AGAP1: variants seen among roughly 807,000 people sequenced by gnomAD.
AGAP1 encodes arf-GAP with GTPase, ANK repeat and PH domain-containing protein 1.
In AGAP1, 29 loss-of-function variants were observed where a neutral mutation model predicts 105.3. That is an observed-to-expected ratio of 0.28 (90% CI 0.21 to 0.38). The LOEUF (loss-of-function observed/expected upper bound fraction) is 0.38. AGAP1 is among the 10% of genes least tolerant of loss of function. AGAP1 has a pLI of 1.00. For missense variants in AGAP1, 998 were observed against 1,165.1 expected, an observed-to-expected ratio of 0.86 and a Z score of 2.09; for synonymous variants, 509 against 485.9, an observed-to-expected ratio of 1.05 and a Z score of -0.63.
At chr2:235,892,049 G>A (rs1454053559) in intron 10 of AGAP1, among the ~76,000 whole-genome samples, 1 of 152,030 alleles carries the variant, frequency 6.6e-6, no homozygotes, top group African/African-American at 2.4e-5. Flanking sequence ...AGCTACTTGG[G>A]AGGCTGAGGC....
intron 8 of AGAP1, 47 bp from the exon 9 acceptor site, chr2:235,807,192 T>C (rs1454084764): frequency 1.3e-6 from 2 of 1,574,986 alleles, no homozygotes; most frequent in African/African-American, 2.8e-5. Flanking sequence ...GCCCCGTCTG[T>C]GAACCACAGC....
chr2:235,625,834 A>G lies in AGAP1; in HGVS notation c.164-83345A>G, dbSNP rs1946619428. ...TGCCCCACACTATTGGGAGGTGTAG[A>G]TGTTGCTACTGCATCTGGAAAGCAT... On this transcript the variant is annotated intron_variant, in intron 1 of 17. Coordinates refer to ENST00000304032, the MANE Select transcript of AGAP1 (RefSeq NM_001037131.3). The surrounding 1 kb of genome is among the most constrained non-coding windows in gnomAD (Gnocchi z 4.0). Among the ~76,000 whole-genome samples, 1 of 152,224 alleles carries G rather than the reference A, an allele frequency of 6.6e-6. No individual in the cohort carries two copies. The highest frequency in any genetic ancestry group is 1.5e-5 in the Non-Finnish European group (1 of 68,032).
Position 235,631,846 on chromosome 2 carries a change from G to A in AGAP1, c.164-77333G>A, listed in dbSNP as rs779416086. ...CCTGCTGTCAGGTGTGGCCACTCTC[G>A]TGAGATGCAACTGGAGGTGTTTTGT... On this transcript the variant is annotated intron_variant, in intron 1 of 17. Transcript: ENST00000304032. The surrounding 1 kb of genome is among the most constrained non-coding windows in gnomAD (Gnocchi z 5.4). 5.3e-5 allele frequency among the ~76,000 whole-genome samples: 8 copies of A among 152,228 alleles called. No individual in the cohort carries two copies. Among genetic ancestry groups the A allele is most frequent in the Non-Finnish European group, 8.8e-5 (6 of 68,040 alleles).
chr2:235,667,039 G>T (rs938574254), intron 1 of AGAP1, among the ~76,000 whole-genome samples: 2 of 152,138 alleles, frequency 1.3e-5, no homozygotes, highest in African/African-American at 4.8e-5. Flanking sequence ...TGACCTTTAA[G>T]TCTGTACAGC....
intron 9 of AGAP1, among the ~76,000 whole-genome samples, chr2:235,876,820 T>C (rs1250301087): frequency 6.6e-6 from 1 of 151,766 alleles, no homozygotes; most frequent in East Asian, 1.9e-4. Context: ...TAGACCAGTC[T>C]TTCCCACATT....
At chr2:235,536,437 A>ACACAC (rs1943229661) in intron 1 of AGAP1, among the ~76,000 whole-genome samples, 17 of 106,634 alleles carry the variant, frequency 1.6e-4, no homozygotes, top group South Asian at 3.5e-4. Context: ...ACACACACAC[A>ACACAC]GCAGGACCCT....
chr2:235,871,464 G>A (rs1340812593), intron 9 of AGAP1, among the ~76,000 whole-genome samples: 3 of 152,130 alleles, frequency 2.0e-5, no homozygotes, highest in Non-Finnish European at 4.4e-5. Flanking sequence ...GCTGGTACCT[G>A]TTCTGCCGGC....
At chr2:235,607,503 C>A (rs892353625) in intron 1 of AGAP1, among the ~76,000 whole-genome samples, 1 of 152,180 alleles carries the variant, frequency 6.6e-6, no homozygotes, top group Non-Finnish European at 1.5e-5. Context: ...TTGCCAGGAG[C>A]CCGTTGGCCT....
chr2:235,784,167 C>A (rs571656246), intron 6 of AGAP1, among the ~76,000 whole-genome samples: 3 of 152,202 alleles, frequency 2.0e-5, no homozygotes, highest in Admixed American at 2.0e-4. Context: ...TTAAAAATGT[C>A]ATTGTAGGTC....
rs1301942221 is a variant in AGAP1, at chr2:235,550,673, G to A, written c.163+55824G>A. ...GATCAGCACCATCCACACCTGAGGC[G>A]TGGGGATCTCCGGGCATGATGCGGA... On this transcript the variant is annotated intron_variant, in intron 1 of 17. Coordinates refer to ENST00000304032, the MANE Select transcript of AGAP1 (RefSeq NM_001037131.3). The surrounding 1 kb of genome is among the most constrained non-coding windows in gnomAD (Gnocchi z 4.6). 2.0e-5 allele frequency among the ~76,000 whole-genome samples: 3 copies of A among 152,234 alleles called. No homozygotes were observed. Among genetic ancestry groups the A allele is most frequent in the African/African-American group, 7.2e-5 (3 of 41,462 alleles).
chr2:235,861,938 A>G (rs532779048), intron 9 of AGAP1, among the ~76,000 whole-genome samples: 1 of 152,360 alleles, frequency 6.6e-6, no homozygotes, highest in Non-Finnish European at 1.5e-5. Flanking sequence ...TGGGAGGAAG[A>G]GAACCATTGG....
At chr2:235,986,958 T>G (rs1460017831) in intron 13 of AGAP1, among the ~76,000 whole-genome samples, 1 of 152,066 alleles carries the variant, frequency 6.6e-6, no homozygotes, top group Non-Finnish European at 1.5e-5. Context: ...CTCTTCCTGG[T>G]TTTGGTATCA....
At chr2:235,657,040 C>G (rs55858333) in intron 1 of AGAP1, among the ~76,000 whole-genome samples, 22,383 of 152,118 alleles carry the variant, frequency 0.15, 2,228 homozygotes, top group East Asian at 0.34. Context: ...ATAAGCTGAC[C>G]CAGCTCTCAT....
In AGAP1 at chr2:236,101,202, T is replaced by C. The variant is rs974588434; in HGVS notation, c.2115-18990T>C. ...AAATCTCTGTTGTTGGTACTGTTTG[T>C]TTTTGGCTGTTGGAACTGTTGTGAT... On this transcript the variant is annotated intron_variant, in intron 16 of 17. Transcript: ENST00000304032. This position sits in a 1 kb window ranked among gnomAD's most constrained non-coding sequence, Gnocchi z 4.9. Among the ~76,000 whole-genome samples, 2 of 152,178 alleles carry C rather than the reference T, an allele frequency of 1.3e-5. No homozygotes were observed. Among genetic ancestry groups the C allele is most frequent in the African/African-American group, 4.8e-5 (2 of 41,448 alleles).
At position 235,535,645 on chromosome 2, in the gene AGAP1, C is replaced by G. The variant is rs747762822; in HGVS notation, c.163+40796C>G. On this transcript the variant is annotated intron_variant, in intron 1 of 17. Transcript: ENST00000304032. The surrounding 1 kb of genome is among the most constrained non-coding windows in gnomAD (Gnocchi z 5.1). ...GGGGCTGTGCCAGGCACCCGCGTCG[C>G]GCTCCAGCTCCAGCCCTTTAATGCT... 2.0e-5 allele frequency among the ~76,000 whole-genome samples: 3 copies of G among 152,122 alleles called. No homozygotes were observed. The highest frequency in any genetic ancestry group is 3.9e-4 in the East Asian group (2 of 5,154).
rs929759446 is a variant in AGAP1 at position 236,119,194 on chromosome 2, C to T, written c.2115-998C>T. ...GGCGGGCAGGCATCAGCATCATCCA[C>T]TCTCCACACCTCCGACCCCATCCAC... is the stretch of plus-strand genomic sequence containing the variant. On this transcript the variant is annotated intron_variant, in intron 16 of 17. Coordinates refer to ENST00000304032, the MANE Select transcript of AGAP1 (RefSeq NM_001037131.3). The surrounding 1 kb of genome is among the most constrained non-coding windows in gnomAD (Gnocchi z 6.6). Among the ~76,000 whole-genome samples the T allele has an allele frequency of 1.3e-5, 2 of 152,052 alleles. No individual in the cohort carries two copies. Among genetic ancestry groups the T allele is most frequent in the Non-Finnish European group, 2.9e-5 (2 of 68,006 alleles).
chr2:235,968,719 A>C, intron 13 of AGAP1, 96 bp downstream of exon 13: 2 of 1,193,180 alleles, frequency 1.7e-6, no homozygotes, highest in Non-Finnish European at 2.4e-6. Context: ...TAGCACAACA[A>C]ATGCACAGTA....
chr2:235,790,864 C>G (rs968545233), intron 6 of AGAP1, among the ~76,000 whole-genome samples: 1 of 152,230 alleles, frequency 6.6e-6, no homozygotes, highest in Non-Finnish European at 1.5e-5. Flanking sequence ...TGTCTTGGAA[C>G]ATGGGCTGAC....
rs1163967594 is a variant in AGAP1 at position 235,788,117 on chromosome 2, T to A, written c.674-9642T>A. Among the ~76,000 whole-genome samples, 2 of 152,124 alleles carry A rather than the reference T, an allele frequency of 1.3e-5. No homozygotes were observed. The highest frequency in any genetic ancestry group is 2.9e-5 in the Non-Finnish European group (2 of 68,004). ...CTTAACCTGATGGGTAGGACTTACT[T>A]GAGTAGGGCAGGAGGTTTTGAAAGG... On this transcript the variant is annotated intron_variant, in intron 6 of 17. Transcript: ENST00000304032. The surrounding 1 kb of genome is among the most constrained non-coding windows in gnomAD (Gnocchi z 6.0).
Sources: allele counts gnomAD v4.1 joint callset (sites outside exome capture counted in the v4.1 genomes callset), GRCh38; gene constraint gnomAD v4.1.1; non-coding constraint Gnocchi (gnomAD v3.1); transcripts MANE v1.5; gene names NCBI Gene and HGNC (gene_info 2026-07-23, HGNC 2026-07-21).